NOXRED1: variants seen among roughly 807,000 people sequenced by gnomAD.
NOXRED1 encodes the protein NADP-dependent oxidoreductase domain-containing protein 1.
In NOXRED1, 20 loss-of-function variants were observed where a neutral mutation model predicts 30.4. The observed-to-expected ratio is 0.66, with a 90% confidence interval of 0.46 to 0.96. The LOEUF is 0.96. NOXRED1 is among the 40% of genes least tolerant of loss of function. NOXRED1 has a pLI of 0.00. For missense variants in NOXRED1, 374 were observed against 428.0 expected (o/e 0.87, Z 1.11); for synonymous variants, 155 against 168.0 (o/e 0.92, Z 0.60).
At chr14:77,401,141 G>A (rs1036950664) in intron 5 of NOXRED1, among the ~76,000 whole-genome samples, 5 of 152,278 alleles carry the variant, frequency 3.3e-5, no homozygotes, top group South Asian at 2.1e-4. Context: ...TTGGGAGGCC[G>A]AGGTGGGTGG....
chr14:77,394,723 G>C lies in NOXRED1; in HGVS notation c.988C>G (p.Gln330Glu). The change falls in exon 6 of 6, where the codon CAA becomes GAA. Residue 330 changes from glutamine (Q) to glutamate (E), a missense_variant. Coordinates refer to ENST00000380835, the MANE Select transcript of NOXRED1 (RefSeq NM_001113475.3). ...SQHLSSSPVL[Q>E]DHLTHLYCAS... is the part of the protein sequence containing the mutation. ...CAGTATAGATGGGTAAGGTGGTCTT[G>C]GAGAACAGGACTACTTGAGAGATGC... 2.5e-6 allele frequency: 4 copies of C among 1,613,086 alleles called. No homozygotes were observed. Among genetic ancestry groups the C allele is most frequent in the Non-Finnish European group, 3.4e-6 (4 of 1,179,090 alleles).
chr14:77,402,229 A>G (rs1214730250), intron 5 of NOXRED1, among the ~76,000 whole-genome samples: 5 of 152,276 alleles, frequency 3.3e-5, no homozygotes, highest in African/African-American at 7.2e-5. Context: ...GCTTTGTGAA[A>G]GACACTGTCA....
rs1409890236 is a variant in NOXRED1 at position 77,394,584 on chromosome 14, A to G, written c.*47T>C. On this transcript the variant is annotated 3_prime_UTR_variant, in exon 6 of 6. Coordinates refer to ENST00000380835, the MANE Select transcript of NOXRED1 (RefSeq NM_001113475.3). ...TTGTGATAATCAGGGCACAACTATT[A>G]TAGGGAAAATCTGTGAGTGGGAAAA... 5 of 1,450,330 alleles carry G rather than the reference A, an allele frequency of 3.4e-6. No homozygotes were observed. Among genetic ancestry groups the G allele is most frequent in the African/African-American group, 2.8e-5 (2 of 71,456 alleles). 89.8% of individuals were successfully genotyped at this position (1,450,330 alleles called of 1,614,324 possible).
chr14:77,418,778 C>T (rs1325610631), intron 1 of NOXRED1, among the ~76,000 whole-genome samples: 76 of 152,086 alleles, frequency 5.0e-4, no homozygotes, highest in Admixed American at 4.9e-3. Flanking sequence ...ATTCTCCTGC[C>T]TTGGCCTCCC....
In NOXRED1 at chr14:77,406,590, T is replaced by TACAC. The variant is rs56942412; in HGVS notation, c.682+130_682+133dup. ...AGCTCTCCTGCAGTACCTTGTGCCT[T>TACAC]ACACACACACACACACACACACACA... On this transcript the variant is annotated intron_variant, in intron 4 of 5. Coordinates refer to ENST00000380835, the MANE Select transcript of NOXRED1 (RefSeq NM_001113475.3). The TACAC allele has an allele frequency of 1.7e-3, 1,345 of 773,318 alleles. 11 individuals are homozygous for TACAC. In the African/African-American group the frequency reaches 0.019, roughly 11 times the overall value. 47.9% of individuals were successfully genotyped at this position (773,318 alleles called of 1,614,324 possible).
chr14:77,409,437 C>G (rs1308445912), intron 2 of NOXRED1, among the ~76,000 whole-genome samples: 1 of 152,194 alleles, frequency 6.6e-6, no homozygotes. Context: ...GCTTCACCTT[C>G]CACCATGACT....
At chr14:77,404,712 G>GC (rs1894411617) in intron 5 of NOXRED1, among the ~76,000 whole-genome samples, 2 of 152,092 alleles carry the variant, frequency 1.3e-5, no homozygotes, top group Non-Finnish European at 2.9e-5. Context: ...CCAAGGAGGG[G>GC]CCGGGGAGTC....
At chr14:77,417,220 C>T (rs958531869) in intron 1 of NOXRED1, among the ~76,000 whole-genome samples, 6 of 151,234 alleles carry the variant, frequency 4.0e-5, no homozygotes, top group African/African-American at 1.5e-4. Context: ...CTAACGTGAT[C>T]TATCCTGGAA....
upstream of NOXRED1, among the ~76,000 whole-genome samples, chr14:77,424,102 G>A (rs1895068488): frequency 6.6e-6 from 1 of 152,148 alleles, no homozygotes; most frequent in Non-Finnish European, 1.5e-5. Context: ...TTTGTGTCTG[G>A]CTTCTCTAAT....
chr14:77,407,483 G>C lies in NOXRED1; in HGVS notation c.512C>G (p.Ala171Gly). Residue 171 changes from alanine to glycine, a missense_variant, in exon 3 of 6, where the codon GCT (alanine) becomes GGT (glycine). By Grantham distance (60) the Ala-to-Gly change is moderately conservative. Transcript: ENST00000380835. The part of the protein sequence containing the change: ...EKASIVYSFV[A>G]AIPLPRLKLL... ...AAGATACCTGGGTAGTGGGATGGCA[G>C]CTACAAAGCTGTACACAATGCTGGC... 6.2e-7 allele frequency: 1 copy of C among 1,613,752 alleles called. No individual in the cohort carries two copies. Among genetic ancestry groups the C allele is most frequent in the Non-Finnish European group, 8.5e-7 (1 of 1,179,660 alleles).
At chr14:77,422,657 A>AC (rs1895026331) in intron 1 of NOXRED1, 78 bp downstream of exon 1, 9 of 1,439,128 alleles carry the variant, frequency 6.3e-6, no homozygotes, top group Non-Finnish European at 7.8e-6. Context: ...ACCCTCCAAT[A>AC]TAAAAAAAAT....
rs1184554924 is a variant in NOXRED1 at position 77,423,291 on chromosome 14, A to G, written c.-402T>C. Among the ~76,000 whole-genome samples the G allele has an allele frequency of 6.6e-6, 1 of 152,204 alleles. No homozygotes were observed. Among genetic ancestry groups the G allele is most frequent in the Non-Finnish European group, 1.5e-5 (1 of 68,032 alleles). ...TTCCATTCCCTCCTGCGTTTTGGAAATAGGACTGAACACATAGAACCACAT... is the reference window on the plus strand; with the variant it reads ...TTCCATTCCCTCCTGCGTTTTGGAAGTAGGACTGAACACATAGAACCACAT... On this transcript the variant is annotated 5_prime_UTR_variant, in exon 1 of 6. Coordinates refer to ENST00000380835, the MANE Select transcript of NOXRED1 (RefSeq NM_001113475.3).
Position 77,410,079 on chromosome 14 carries a change from C to T in NOXRED1, c.350-2434G>A, listed in dbSNP as rs1001452781. Among the ~76,000 whole-genome samples, 6 of 151,512 alleles carry T rather than the reference C, an allele frequency of 4.0e-5. No homozygotes were observed. In the South Asian group the frequency reaches 6.3e-4, roughly 16 times the overall value. ...CAGTCTCTCAGAGTGCTGGGATTACCGGCATGAGCCACCATGCCCAGTTGG... is the reference window on the plus strand; with the variant it reads ...CAGTCTCTCAGAGTGCTGGGATTACTGGCATGAGCCACCATGCCCAGTTGG... On this transcript the variant is annotated intron_variant, in intron 2 of 5. Transcript: ENST00000380835.
In NOXRED1 at chr14:77,399,470, C is replaced by T. The variant is rs183893437; in HGVS notation, c.906-4665G>A. On this transcript the variant is annotated intron_variant, in intron 5 of 5. Coordinates refer to ENST00000380835, the MANE Select transcript of NOXRED1 (RefSeq NM_001113475.3). ...GTCTCAAAAAATAAAATAACTATGACTAATATGCTAAAGGATCTAATGGAT... is the reference window on the plus strand; with the variant it reads ...GTCTCAAAAAATAAAATAACTATGATTAATATGCTAAAGGATCTAATGGAT... Among the ~76,000 whole-genome samples the T allele has an allele frequency of 3.6e-3, 548 of 152,154 alleles. 5 individuals are homozygous for T. Among genetic ancestry groups the T allele is most frequent in the Non-Finnish European group, 4.3e-3 (291 of 67,984 alleles).
chr14:77,408,892 A>ATTTGTTTTTTT (rs1894556285), intron 2 of NOXRED1, among the ~76,000 whole-genome samples: 1 of 68,154 alleles, frequency 1.5e-5, no homozygotes, highest in East Asian at 4.8e-4. Flanking sequence ...CTGGTAGTTA[A>ATTTGTTTTTTT]TTTTTTTTTT....
In NOXRED1 at chr14:77,414,146, GAC is replaced by G. The variant is rs1266282326; in HGVS notation, c.156-21_156-20del. The G allele has an allele frequency of 6.8e-6, 10 of 1,474,060 alleles. No individual in the cohort carries two copies. In the Admixed American group the frequency reaches 1.7e-4, roughly 25 times the overall value. 91.3% of individuals were successfully genotyped at this position (1,474,060 alleles called of 1,614,324 possible). On this transcript the variant is annotated intron_variant, in intron 1 of 5. Coordinates refer to ENST00000380835, the MANE Select transcript of NOXRED1 (RefSeq NM_001113475.3). ...TGATGCTCTGGAGAATGAACACACA[GAC>G]ACGTACATAAATACATGCACACACT...
intron 1 of NOXRED1, among the ~76,000 whole-genome samples, chr14:77,418,794 G>A (rs1894904845): frequency 6.6e-6 from 1 of 151,854 alleles, no homozygotes; most frequent in East Asian, 1.9e-4. Context: ...CTCCCAAAGT[G>A]CTGAGATTAC....
At chr14:77,416,505 G>A (rs1419981423) in intron 1 of NOXRED1, among the ~76,000 whole-genome samples, 1 of 152,156 alleles carries the variant, frequency 6.6e-6, no homozygotes, top group African/African-American at 2.4e-5. Flanking sequence ...GTTTCAGAGA[G>A]CACAGGGTTG....
At chr14:77,420,672 GC>G (rs1355036582) in intron 1 of NOXRED1, among the ~76,000 whole-genome samples, 1 of 152,038 alleles carries the variant, frequency 6.6e-6, no homozygotes, top group Non-Finnish European at 1.5e-5. Flanking sequence ...GCTGGTTTCT[GC>G]AGTAGTTTGT....
Sources: gnomAD v4.1 joint callset for allele counts (sites outside exome capture counted in the v4.1 genomes callset) on GRCh38, gnomAD v4.1.1 for gene constraint, MANE v1.5 for transcripts, NCBI Gene and HGNC (gene_info 2026-07-23, HGNC 2026-07-21) for gene names.